LARGE1: variants seen among roughly 807,000 people sequenced by gnomAD.
The protein encoded by LARGE1 is LARGE xylosyl- and glucuronyltransferase 1.
In LARGE1, 43 loss-of-function variants were observed where a neutral mutation model predicts 87.6. The observed-to-expected ratio is 0.49, with a 90% CI of 0.38 to 0.63. LARGE1 has a LOEUF of 0.63. LARGE1 is among the 30% of genes least tolerant of loss of function. The probability of loss-of-function intolerance (pLI) is 0.00; values close to 1 mark genes in which losing one functional copy is unlikely to be tolerated. For missense variants in LARGE1, 802 were observed against 1,000.2 expected (o/e 0.80, Z 2.67); for synonymous variants, 434 against 394.6 (o/e 1.10, Z -1.18).
At chr22:33,803,410 G>T (rs980637051) in intron 1 of LARGE1, among the ~76,000 whole-genome samples, 5 of 152,124 alleles carry the variant, frequency 3.3e-5, no homozygotes, top group Admixed American at 6.5e-5. Context: ...GTTGTACATA[G>T]CTGGAATCCA....
intron 14 of LARGE1, among the ~76,000 whole-genome samples, chr22:33,276,502 C>A (rs188799731): frequency 4.9e-4 from 74 of 152,282 alleles, no homozygotes; most frequent in Non-Finnish European, 8.4e-4. Flanking sequence ...GTGTGCTGAT[C>A]CTTGGTTTCA....
At chr22:33,590,368 T>C (rs1327256709) in intron 5 of LARGE1, among the ~76,000 whole-genome samples, 3 of 152,252 alleles carry the variant, frequency 2.0e-5, no homozygotes, top group African/African-American at 7.2e-5. Flanking sequence ...ATTAAAGTAA[T>C]TGATGTTTGA....
chr22:33,655,715 G>A (rs762713448), intron 2 of LARGE1, among the ~76,000 whole-genome samples: 2 of 152,116 alleles, frequency 1.3e-5, no homozygotes, highest in Non-Finnish European at 2.9e-5. Flanking sequence ...CCAGGTCCTG[G>A]CATGCTCCCT....
intron 11 of LARGE1, among the ~76,000 whole-genome samples, chr22:33,252,650 A>G (rs1000318039): frequency 5.9e-5 from 9 of 152,068 alleles, no homozygotes; most frequent in African/African-American, 1.7e-4. Flanking sequence ...ACATTCTAAC[A>G]TTTGCCCAAA....
chr22:33,337,849 G>A, intron 9 of LARGE1, 48 bp from the exon 10 acceptor site: 1 of 1,598,188 alleles, frequency 6.3e-7, no homozygotes, highest in Non-Finnish European at 8.6e-7. Context: ...GGTGGGGTGG[G>A]GATCCCTCAC....
chr22:33,445,528 A>T (rs960468508), intron 6 of LARGE1, among the ~76,000 whole-genome samples: 1 of 151,926 alleles, frequency 6.6e-6, no homozygotes, highest in Non-Finnish European at 1.5e-5. Context: ...AGGATGAGTA[A>T]AGTGGTATCT....
At chr22:33,900,134 A>G (rs2065245173) in intron 1 of LARGE1, among the ~76,000 whole-genome samples, 1 of 152,238 alleles carries the variant, frequency 6.6e-6, no homozygotes, top group South Asian at 2.1e-4. Flanking sequence ...ACTCTCCATG[A>G]AAGATTCAGG....
At chr22:33,429,052 C>A (rs1569155778) in intron 7 of LARGE1, among the ~76,000 whole-genome samples, 1 of 151,518 alleles carries the variant, frequency 6.6e-6, no homozygotes, top group Non-Finnish European at 1.5e-5. Flanking sequence ...CCAGATCTGC[C>A]TGAGTTCCTA....
intron 12 of LARGE1, among the ~76,000 whole-genome samples, chr22:33,283,971 C>T (rs1016638536): frequency 4.0e-5 from 6 of 151,632 alleles, no homozygotes; most frequent in Non-Finnish European, 8.8e-5. Context: ...GATGGGGAGC[C>T]CTGGGAGGCA....
chr22:33,070,237 C>T, the LARGE1 span, among the ~76,000 whole-genome samples: 2 of 152,230 alleles, frequency 1.3e-5, no homozygotes, highest in Admixed American at 6.5e-5. Context: ...ATTACCTGTG[C>T]TTGGCACTGG....
At chr22:33,824,013 T>C (rs2062710701) in intron 1 of LARGE1, among the ~76,000 whole-genome samples, 1 of 152,202 alleles carries the variant, frequency 6.6e-6, no homozygotes, top group Non-Finnish European at 1.5e-5. Context: ...AGTACTTATA[T>C]TATTATCCCA....
chr22:33,568,766 C>CAAAAAAAAAAA (rs57651807), intron 5 of LARGE1, among the ~76,000 whole-genome samples: 7 of 92,766 alleles, frequency 7.5e-5, no homozygotes, highest in Non-Finnish European at 1.1e-4. Flanking sequence ...AACTCAGTCT[C>CAAAAAAAAAAA]AAAAAAAAAA....
chr22:33,247,055 G>A (rs951588157), intron 11 of LARGE1, among the ~76,000 whole-genome samples: 1 of 102,226 alleles, frequency 9.8e-6, no homozygotes, highest in Non-Finnish European at 2.0e-5. Context: ...GTATGTGTGT[G>A]TGTGTGTGTG....
intron 2 of LARGE1, among the ~76,000 whole-genome samples, chr22:33,754,727 C>T (rs1456196280): frequency 6.6e-6 from 1 of 152,192 alleles, no homozygotes; most frequent in African/African-American, 2.4e-5. Flanking sequence ...TGTTCTTATA[C>T]TCCATAATAT....
chr22:33,854,437 C>T (rs946687048), intron 1 of LARGE1, among the ~76,000 whole-genome samples: 2 of 152,032 alleles, frequency 1.3e-5, no homozygotes, highest in Non-Finnish European at 2.9e-5. Flanking sequence ...CTTTCACCAT[C>T]GGCTCACATC....
At chr22:33,576,622 T>A (rs2078359616) in intron 5 of LARGE1, among the ~76,000 whole-genome samples, 1 of 152,176 alleles carries the variant, frequency 6.6e-6, no homozygotes. Context: ...TATACAGATA[T>A]CACCGCGAAA....
chr22:33,522,787 C>T (rs985965709), intron 6 of LARGE1, among the ~76,000 whole-genome samples: 1 of 150,568 alleles, frequency 6.6e-6, no homozygotes, highest in Non-Finnish European at 1.5e-5. Context: ...GCCGAGATTG[C>T]ACCACTTCAC....
At chr22:33,781,383 C>A (rs1453573158) in intron 1 of LARGE1, among the ~76,000 whole-genome samples, 1 of 152,164 alleles carries the variant, frequency 6.6e-6, no homozygotes, top group Non-Finnish European at 1.5e-5. Context: ...TGCCTGTAAT[C>A]CCAGCTACTC....
intron 4 of LARGE1, among the ~76,000 whole-genome samples, chr22:33,609,169 G>A (rs1297908785): frequency 1.3e-5 from 2 of 152,168 alleles, no homozygotes; most frequent in African/African-American, 2.4e-5. Context: ...AATGAGCTAC[G>A]AGTGTTCTCT....
Sources: gnomAD v4.1 joint callset for allele counts (sites outside exome capture counted in the v4.1 genomes callset) on GRCh38, gnomAD v4.1.1 for gene constraint, MANE v1.5 for transcripts, NCBI Gene and HGNC (gene_info 2026-07-23, HGNC 2026-07-21) for gene names.